CD163: variants seen among roughly 807,000 people sequenced by gnomAD.
CD163 encodes the protein scavenger receptor cysteine-rich type 1 protein M130.
CD163 carries 64 observed loss-of-function variants against 129.2 expected under a neutral mutation model. That is an observed-to-expected ratio of 0.50 (90% confidence interval 0.41 to 0.61). The LOEUF (loss-of-function observed/expected upper bound fraction) is 0.61, where lower values mean the gene tolerates loss of function less well. Among genes scored for constraint, CD163 ranks in the 20% least tolerant of loss-of-function variants. The pLI, the probability that CD163 is intolerant of heterozygous loss-of-function variation, is 0.00. For missense variants in CD163, 1,061 were observed against 1,377.9 expected (o/e 0.77, Z 3.64); for synonymous variants, 446 against 478.5 (o/e 0.93, Z 0.89).
rs200768993 is a variant in CD163 at position 7,482,626 on chromosome 12, C to A, written c.3247+17G>T. 9.0e-5 allele frequency: 146 copies of A among 1,613,534 alleles called. No homozygotes were observed. Among genetic ancestry groups the A allele is most frequent in the Non-Finnish European group, 1.2e-4 (143 of 1,179,792 alleles). ...TTATCCTGTAGACATATTAGATAAA[C>A]CAAATTTGGCTCAAACCTGCAAGCC... On this transcript the variant is annotated intron_variant, in intron 14 of 16. Coordinates refer to ENST00000432237, the MANE Select transcript of CD163 (RefSeq NM_203416.4).
chr12:7,487,673 C>A lies in CD163; in HGVS notation c.1736G>T (p.Arg579Ile). Residue 579 changes from arginine to isoleucine, a missense_variant and splice_region_variant, in exon 8 of 17, where the codon AGA (arginine) becomes ATA (isoleucine). Coordinates refer to ENST00000432237, the MANE Select transcript of CD163 (RefSeq NM_203416.4). The surrounding 1 kb of genome is among the most constrained non-coding windows in gnomAD (Gnocchi z 5.1). Reference sequence around the variant, plus strand: ...ATTCACCAAGCGAATTTCTGTGTATCCTGGAAGGAGACAGGGCTTTAGAAA... The same window carrying A: ...ATTCACCAAGCGAATTTCTGTGTATACTGGAAGGAGACAGGGCTTTAGAAA... ...HSRDVGVVCS[R>I]YTEIRLVNGK... 6.2e-7 allele frequency: 1 copy of A among 1,614,140 alleles called. No individual in the cohort carries two copies. The highest frequency in any genetic ancestry group is 8.5e-7 in the Non-Finnish European group (1 of 1,180,016).
At chr12:7,484,652 A>AAC (rs1434302315) in intron 11 of CD163, among the ~76,000 whole-genome samples, 1 of 151,746 alleles carries the variant, frequency 6.6e-6, no homozygotes, top group East Asian at 1.9e-4. Context: ...AAAAAAAAAA[A>AAC]AAAAAAACCT....
chr12:7,496,505 TA>T lies in CD163; in HGVS notation c.1099+307del, dbSNP rs1949403561. Among the ~76,000 whole-genome samples the T allele has an allele frequency of 6.6e-6, 1 of 152,082 alleles. No individual in the cohort carries two copies. The highest frequency in any genetic ancestry group is 2.1e-4 in the South Asian group (1 of 4,822). ...ACTTAAAGTAAAAAAATAAGTAAAT[TA>T]AAAAAATTTAAAAACAGATTCCTAG... On this transcript the variant is annotated intron_variant, in intron 5 of 16. Transcript: ENST00000432237. The surrounding 1 kb of genome is among the most constrained non-coding windows in gnomAD (Gnocchi z 4.8).
At chr12:7,475,524 G>A (rs1440954721) in intron 16 of CD163, among the ~76,000 whole-genome samples, 1 of 152,046 alleles carries the variant, frequency 6.6e-6, no homozygotes, top group Non-Finnish European at 1.5e-5. Context: ...AAACGCCTTC[G>A]ATAAAATTCA....
At chr12:7,480,443 T>C (rs971126653) in intron 15 of CD163, 6 of 152,442 alleles carry the variant, frequency 3.9e-5, no homozygotes, top group Non-Finnish European at 7.3e-5. Context: ...GCAATAAAGA[T>C]ATTGAAAGTT....
chr12:7,478,933 T>G (rs956719699), intron 16 of CD163, among the ~76,000 whole-genome samples: 1 of 152,162 alleles, frequency 6.6e-6, no homozygotes, highest in African/African-American at 2.4e-5. Context: ...TTTCACAATC[T>G]TTTTCTCTTG....
intron 14 of CD163, 55 bp downstream of exon 14, chr12:7,482,588 T>G: frequency 6.3e-7 from 1 of 1,586,770 alleles, no homozygotes; most frequent in Non-Finnish European, 8.6e-7. Context: ...ATTTTCGTCT[T>G]ACAAGAACCC....
At chr12:7,481,363 G>T in intron 14 of CD163, 107 bp from the exon 15 acceptor site, 2 of 777,144 alleles carry the variant, frequency 2.6e-6, no homozygotes, top group Non-Finnish European at 4.4e-6. Flanking sequence ...CTTTATCCCT[G>T]CTATTGTTTC....
rs1246642101 is a variant in CD163 at position 7,496,898 on chromosome 12, A to T, written c.1014T>A (p.His338Gln). 6 of 1,613,998 alleles carry T rather than the reference A, an allele frequency of 3.7e-6. No individual in the cohort carries two copies. The highest frequency in any genetic ancestry group is 5.1e-6 in the Non-Finnish European group (6 of 1,179,882). Reference protein sequence around the residue: ...IWLDSVSCQGHEPAIWQCKHH... With the variant: ...IWLDSVSCQGQEPAIWQCKHH... Reference sequence around the variant, plus strand: ...GTTTACATTGCCAGATAGCAGGTTCATGTCCCTGGCAAGAAACGCTGTCAA... The same window carrying T: ...GTTTACATTGCCAGATAGCAGGTTCTTGTCCCTGGCAAGAAACGCTGTCAA... The change falls in exon 5 of 17, where the codon CAT becomes CAA. Residue 338 changes from histidine (H) to glutamine (Q), a missense_variant. By Grantham distance (24) the His-to-Gln change is conservative (BLOSUM62 0). Transcript: ENST00000432237. The surrounding 1 kb of genome is among the most constrained non-coding windows in gnomAD (Gnocchi z 4.8).
intron 16 of CD163, among the ~76,000 whole-genome samples, chr12:7,476,027 C>G (rs1437831245): frequency 1.3e-5 from 2 of 152,110 alleles, no homozygotes; most frequent in African/African-American, 4.8e-5. Flanking sequence ...ATACAACTTA[C>G]AAGGGATGTG....
At chr12:7,484,353 G>A (rs1236271118) in intron 11 of CD163, among the ~76,000 whole-genome samples, 2 of 152,114 alleles carry the variant, frequency 1.3e-5, no homozygotes, top group South Asian at 2.1e-4. Context: ...TTAAGAAGAT[G>A]TAGAGGCCAG....
rs1949406909 is a variant in CD163, at chr12:7,496,739, T to C, written c.1099+74A>G. The C allele has an allele frequency of 1.1e-5, 15 of 1,331,516 alleles. No homozygotes were observed. The highest frequency in any genetic ancestry group is 1.6e-5 in the Non-Finnish European group (15 of 931,020). 82.5% of individuals were successfully genotyped at this position (1,331,516 alleles called of 1,614,324 possible). ...TTCTTAAGGAGCACGTTCCTACTCT[T>C]AAGGAGCACAGGACTTTCCGTTTCT... On this transcript the variant is annotated intron_variant, in intron 5 of 16. Transcript: ENST00000432237. The surrounding 1 kb of genome is among the most constrained non-coding windows in gnomAD (Gnocchi z 4.8).
chr12:7,495,103 T>G lies in CD163; in HGVS notation c.1398A>C (p.Glu466Asp), dbSNP rs1292509349. Residue 466 changes from glutamate to aspartate, a missense_variant, in exon 6 of 17, where the codon GAA (glutamate) becomes GAC (aspartate). Physicochemically the swap from Glu to Asp is conservative, Grantham distance 45. Transcript: ENST00000432237. ...QWGGLTCDHY[E>D]EAKITCSAHR... Reference sequence around the variant, plus strand: ...TACCTGAGCAGGTAATTTTGGCTTCTTCATAGTGATCACAGGTAAGTCCAC... The same window carrying G: ...TACCTGAGCAGGTAATTTTGGCTTCGTCATAGTGATCACAGGTAAGTCCAC... 7 of 1,614,000 alleles carry G rather than the reference T, an allele frequency of 4.3e-6. No homozygotes were observed. Among genetic ancestry groups the G allele is most frequent in the African/African-American group, 1.3e-5 (1 of 74,934 alleles).
At chr12:7,489,589 G>A (rs1401587853) in intron 6 of CD163, among the ~76,000 whole-genome samples, 3 of 151,972 alleles carry the variant, frequency 2.0e-5, no homozygotes, top group Non-Finnish European at 4.4e-5. Context: ...TGATGGGTGG[G>A]TTAAAAAGGC....
At chr12:7,472,782 TA>T (rs1214142114) in intron 16 of CD163, among the ~76,000 whole-genome samples, 1 of 152,150 alleles carries the variant, frequency 6.6e-6, no homozygotes, top group Non-Finnish European at 1.5e-5. Context: ...TTGTCTGAGC[TA>T]AAGGAGCATG....
Position 7,487,739 on chromosome 12 carries a change from T to A in CD163, c.1735+34A>T, listed in dbSNP as rs750251817. 1.2e-6 allele frequency: 2 copies of A among 1,613,840 alleles called. No homozygotes were observed. Among genetic ancestry groups the A allele is most frequent in the East Asian group, 2.2e-5 (1 of 44,890 alleles). On this transcript the variant is annotated intron_variant, in intron 7 of 16. Coordinates refer to ENST00000432237, the MANE Select transcript of CD163 (RefSeq NM_203416.4). The surrounding 1 kb of genome is among the most constrained non-coding windows in gnomAD (Gnocchi z 5.1). ...CCCTAACCCTGTCCCTTTCACAGTA[T>A]GAGAACCAATTAAAGATGTTTTCTG... is the stretch of plus-strand genomic sequence containing the variant.
At chr12:7,484,563 A>G (rs1186808232) in intron 11 of CD163, among the ~76,000 whole-genome samples, 4 of 150,882 alleles carry the variant, frequency 2.7e-5, no homozygotes, top group Non-Finnish European at 5.9e-5. Context: ...TGCTTGAACC[A>G]AGAAGGCAGA....
chr12:7,497,434 T>A (rs1592009991), intron 4 of CD163, among the ~76,000 whole-genome samples: 1 of 152,212 alleles, frequency 6.6e-6, no homozygotes, highest in African/African-American at 2.4e-5. Context: ...TTGTTAGAAC[T>A]GTTTACTTTT....
intron 11 of CD163, among the ~76,000 whole-genome samples, chr12:7,484,082 C>A (rs987025250): frequency 1.3e-5 from 2 of 151,308 alleles, no homozygotes; most frequent in South Asian, 2.1e-4. Context: ...CCTCGTGATC[C>A]GCCCACCTCG....
Sources: allele counts gnomAD v4.1 joint callset (sites outside exome capture counted in the v4.1 genomes callset), GRCh38; gene constraint gnomAD v4.1.1; non-coding constraint Gnocchi (gnomAD v3.1); transcripts MANE v1.5; gene names NCBI Gene and HGNC (gene_info 2026-07-23, HGNC 2026-07-21).